The following FAT2 variants were observed in gnomAD, a reference collection of about 807,000 sequenced individuals.
FAT2 encodes protocadherin Fat 2.
FAT2 carries 150 observed loss-of-function variants against 295.3 expected under a neutral mutation model. The ratio of observed to expected loss-of-function variants is 0.51; its 90% confidence interval spans 0.44 to 0.58. The LOEUF is 0.58. Ranked by LOEUF, FAT2 falls within the 20% of genes least tolerant of loss-of-function variation. The probability of loss-of-function intolerance (pLI) is 0.00; values close to 1 mark genes in which losing one functional copy is unlikely to be tolerated. For missense variants in FAT2, 4,868 were observed against 5,442.7 expected, an observed-to-expected ratio of 0.89 and a Z score of 3.32; for synonymous variants, 2,026 against 2,150.3, an observed-to-expected ratio of 0.94 and a Z score of 1.60.
intron 5 of FAT2, 74 bp from the exon 6 acceptor site, chr5:151,553,461 C>A: frequency 7.7e-7 from 1 of 1,301,122 alleles, no homozygotes. Flanking sequence ...AGGACAGGAA[C>A]CAGAGCGTCC....
intron 20 of FAT2, among the ~76,000 whole-genome samples, chr5:151,515,697 C>G (rs1039715247): frequency 6.6e-6 from 1 of 152,182 alleles, no homozygotes; most frequent in African/African-American, 2.4e-5. Flanking sequence ...TTTGTAGAAT[C>G]TATCTTCTTT....
rs762571899 is a variant in FAT2, at chr5:151,543,830, A to C, written c.7297T>G (p.Ser2433Ala). 6 of 1,614,040 alleles carry C rather than the reference A, an allele frequency of 3.7e-6. No homozygotes were observed. The highest frequency in any genetic ancestry group is 5.1e-6 in the Non-Finnish European group (6 of 1,179,992). ...AGGTTGAACATAGAAATTATTCCCG[A>C]TGAGCTGTTAATGAAGAAGTGCCTG... is the stretch of plus-strand genomic sequence containing the variant. ...QDRHFFINSS[S>A]GIISMFNLCK... The change falls in exon 10 of 24, where the codon TCG becomes GCG. Residue 2433 changes from serine to alanine, a missense_variant. Physicochemically the swap from Ser to Ala is moderately conservative, Grantham distance 99 (BLOSUM62 1). Transcript: ENST00000261800.
intron 10 of FAT2, among the ~76,000 whole-genome samples, chr5:151,541,742 C>A (rs190159186): frequency 5.7e-4 from 87 of 152,342 alleles, no homozygotes; most frequent in African/African-American, 1.9e-3. Context: ...CTGAAGCAAG[C>A]ACAAGAGTGT....
chr5:151,534,971 A>ATATATATATATATATATATATATG (rs1755092783), intron 12 of FAT2, among the ~76,000 whole-genome samples: 1 of 22,602 alleles, frequency 4.4e-5, no homozygotes, highest in Non-Finnish European at 6.5e-5. Context: ...TTCTAGGAAA[A>ATATATATATATATATATATATATG]TATATATATA....
In FAT2 at chr5:151,507,591, C is replaced by A. The variant is rs772761270; in HGVS notation, c.12080G>T (p.Gly4027Val). ...TGDRCEMEARGCSEGHCLVTP... is the reference protein window; with the variant it reads ...TGDRCEMEARVCSEGHCLVTP... ...GACTAGGCAGTGTCCTTCTGAACAA[C>A]CCCTCGCCTCCATTTCACACCTGCG... The change falls in exon 23 of 24, where the codon GGT becomes GTT. Residue 4027 changes from glycine (G) to valine (V), a missense_variant. Transcript: ENST00000261800. 75 of 1,605,358 alleles carry A rather than the reference C, an allele frequency of 4.7e-5. No homozygotes were observed. Among genetic ancestry groups the A allele is most frequent in the Non-Finnish European group, 5.7e-5 (67 of 1,177,634 alleles).
intron 3 of FAT2, among the ~76,000 whole-genome samples, chr5:151,557,632 A>G (rs10058833): frequency 0.05 from 7,670 of 152,240 alleles, 479 homozygotes; most frequent in African/African-American, 0.15. Context: ...TTATTCCAAC[A>G]CTGGCTACAG....
rs145521522 is a variant in FAT2 at position 151,542,519 on chromosome 5, T to C, written c.8608A>G (p.Thr2870Ala). 1.0e-3 allele frequency: 1,649 copies of C among 1,614,152 alleles called. No homozygotes were observed. The highest frequency in any genetic ancestry group is 1.2e-3 in the Non-Finnish European group (1,465 of 1,180,022). The change falls in exon 10 of 24, where the codon ACT (threonine) becomes GCT (alanine). Residue 2870 changes from threonine (T) to alanine (A), a missense_variant. Transcript: ENST00000261800. ...TAGGCCACCACATGAAAATGATAAG[T>C]CTGGCAGGTCTCACAGTCAAGTTCC... The part of the protein sequence containing the change: ...LQELDCETCQ[T>A]YHFHVVAYDH...
At chr5:151,560,384 C>T (rs3097828) in intron 3 of FAT2, among the ~76,000 whole-genome samples, 152,261 of 152,374 alleles carry the variant, frequency 1, 76,074 homozygotes, top group Middle Eastern at 1. Flanking sequence ...TATTTATAAG[C>T]GGTGGAACTG....
chr5:151,575,389 G>T (rs915774447), intron 1 of FAT2, among the ~76,000 whole-genome samples: 1 of 152,202 alleles, frequency 6.6e-6, no homozygotes, highest in African/African-American at 2.4e-5. Flanking sequence ...GCGGGCTCTG[G>T]AATCAGACAG....
rs201258878 is a variant in FAT2 at position 151,567,721 on chromosome 5, A to T, written c.1211T>A (p.Val404Glu). Residue 404 changes from valine (V) to glutamate (E), a missense_variant, in exon 2 of 24, where the codon GTA becomes GAA. By Grantham distance (121) the Val-to-Glu change is moderately radical (BLOSUM62 -2). Around this residue, in one of 5 missense-constraint regions of FAT2, gnomAD observed 3,297 missense variants for 3,669.4 expected, o/e 0.90. Coordinates refer to ENST00000261800, the MANE Select transcript of FAT2 (RefSeq NM_001447.3). ...AGTTCGAGCATTAAGTTTAAATCCTACATTCTCTGAAGATGGCTTTAGAAC... is the reference window on the plus strand; with the variant it reads ...AGTTCGAGCATTAAGTTTAAATCCTTCATTCTCTGAAGATGGCTTTAGAAC... ...QYVLKPSSENVGFKLNARTGL... is the reference protein window; with the variant it reads ...QYVLKPSSENEGFKLNARTGL... 373 of 1,614,032 alleles carry T rather than the reference A, an allele frequency of 2.3e-4. 2 individuals carry two copies. The highest frequency in any genetic ancestry group is 6.6e-5 in the Non-Finnish European group (78 of 1,180,046).
At chr5:151,538,074 G>A in intron 11 of FAT2, 128 bp from the exon 12 acceptor site, 1 of 698,084 alleles carries the variant, frequency 1.4e-6, no homozygotes, top group Non-Finnish European at 2.3e-6. Context: ...GACGAAGAGA[G>A]ACAGAAAAAA....
chr5:151,578,231 C>G (rs746544852), intron 1 of FAT2, among the ~76,000 whole-genome samples: 1 of 152,278 alleles, frequency 6.6e-6, no homozygotes, highest in South Asian at 2.1e-4. Flanking sequence ...CAGAATGTCC[C>G]TGCTGAATGG....
At chr5:151,588,233 C>A (rs1388695453) in intron 1 of FAT2, among the ~76,000 whole-genome samples, 1 of 152,184 alleles carries the variant, frequency 6.6e-6, no homozygotes, top group African/African-American at 2.4e-5. Flanking sequence ...AGATCAACCT[C>A]ATTGCTGATC....
rs1681647050 is a variant in FAT2 at position 151,544,096 on chromosome 5, T to C, written c.7031A>G (p.His2344Arg). ...VQELDYEAQQ[H>R]FHVKVRAMDK... ...CATGGCCCTGACTTTCACATGAAAG[T>C]GTTGTTGGGCTTCATAATCCAGTTC... Residue 2344 changes from histidine to arginine, a missense_variant, in exon 10 of 24, where the codon CAC becomes CGC. Transcript: ENST00000261800. The C allele has an allele frequency of 2.5e-6, 4 of 1,613,978 alleles. No homozygotes were observed. The highest frequency in any genetic ancestry group is 3.4e-6 in the Non-Finnish European group (4 of 1,180,014).
upstream of FAT2, among the ~76,000 whole-genome samples, chr5:151,591,827 A>G (rs1049016061): frequency 1.6e-4 from 24 of 152,284 alleles, no homozygotes; most frequent in East Asian, 1.9e-4. Flanking sequence ...GGATAATAAT[A>G]GCTCCTACCT....
At chr5:151,535,963 A>G (rs997101740) in intron 12 of FAT2, among the ~76,000 whole-genome samples, 4 of 152,332 alleles carry the variant, frequency 2.6e-5, no homozygotes, top group African/African-American at 7.2e-5. Flanking sequence ...CCGAAACACC[A>G]TATAACCAAA....
At position 151,505,122 on chromosome 5, in the gene FAT2, C is replaced by G; in HGVS notation, c.*443G>C. 1 of 259,740 alleles carries G rather than the reference C, an allele frequency of 3.9e-6. No homozygotes were observed. Among genetic ancestry groups the G allele is most frequent in the South Asian group, 4.2e-5 (1 of 23,568 alleles). The allele number at this position is 259,740 out of a possible 1,614,324, so 16.1% of individuals were successfully genotyped here. A position where few individuals can be genotyped will look rare whatever the true frequency, so the allele number is the denominator to read the frequency against. ...GCCCTCTAGAGCTCCTCTGTACGGCCCGCGTAGTGGTTGTCTGTCAGGCAC... is the reference window on the plus strand; with the variant it reads ...GCCCTCTAGAGCTCCTCTGTACGGCGCGCGTAGTGGTTGTCTGTCAGGCAC... On this transcript the variant is annotated 3_prime_UTR_variant, in exon 24 of 24. Coordinates refer to ENST00000261800, the MANE Select transcript of FAT2 (RefSeq NM_001447.3).
At chr5:151,530,903 C>A (rs1423059452) in intron 14 of FAT2, among the ~76,000 whole-genome samples, 7 of 152,128 alleles carry the variant, frequency 4.6e-5, no homozygotes, top group African/African-American at 1.7e-4. Flanking sequence ...TGTTCAAAAT[C>A]TCCATGGTAA....
In FAT2 at chr5:151,566,378, T is replaced by C. The variant is rs1186482402; in HGVS notation, c.2554A>G (p.Asn852Asp). 2 of 1,614,018 alleles carry C rather than the reference T, an allele frequency of 1.2e-6. No individual in the cohort carries two copies. Among genetic ancestry groups the C allele is most frequent in the Admixed American group, 3.3e-5 (2 of 60,010 alleles). The change falls in exon 2 of 24, where the codon AAT (asparagine) becomes GAT (aspartate). Residue 852 changes from asparagine to aspartate, a missense_variant. Around this residue, in one of 5 missense-constraint regions of FAT2, gnomAD observed 3,297 missense variants for 3,669.4 expected, o/e 0.90. Transcript: ENST00000261800. ...AGCAGGGTGTAGCGAACCCTGCCAT[T>C]GTCTTCCGAGTCAGCATCTTTGGTT... ...LTTKDADSED[N>D]GRVRYTLLSP...
Sources: allele counts gnomAD v4.1 joint callset (sites outside exome capture counted in the v4.1 genomes callset), GRCh38; gene constraint gnomAD v4.1.1; regional missense constraint gnomAD v4.1.1; transcripts MANE v1.5; gene names NCBI Gene and HGNC (gene_info 2026-07-23, HGNC 2026-07-21).